Variants in SLC12A9 observed in about 807,000 individuals in gnomAD.
The protein encoded by SLC12A9 is CCC-interacting protein 1.
A neutral mutation model predicts 66.0 loss-of-function variants in SLC12A9; 55 were observed. That is an observed-to-expected ratio of 0.83 (90% CI 0.67 to 1.04). The LOEUF is 1.04. Ranked by LOEUF, SLC12A9 falls within the 50% of genes least tolerant of loss-of-function variation. The pLI is 0.00. For missense variants in SLC12A9, 1,061 were observed against 1,241.9 expected, an observed-to-expected ratio of 0.85 and a Z score of 2.19; for synonymous variants, 577 against 569.0, an observed-to-expected ratio of 1.01 and a Z score of -0.20.
At chr7:100,833,740 C>G (rs1813588180) in intron 1 of SLC12A9, among the ~76,000 whole-genome samples, 1 of 151,758 alleles carries the variant, frequency 6.6e-6, no homozygotes, top group Non-Finnish European at 1.5e-5. Context: ...CGAGACAATC[C>G]TGGCTAACAT....
intron 1 of SLC12A9, among the ~76,000 whole-genome samples, chr7:100,843,062 C>T (rs1001489139): frequency 5.2e-5 from 8 of 152,384 alleles, no homozygotes; most frequent in South Asian, 2.1e-4. Flanking sequence ...GCTTATTAAT[C>T]AGTCAGCCCT....
chr7:100,842,853 T>G (rs1813815103), intron 1 of SLC12A9, among the ~76,000 whole-genome samples: 2 of 152,212 alleles, frequency 1.3e-5, no homozygotes, highest in African/African-American at 4.8e-5. Flanking sequence ...TTTTCCAGGA[T>G]TCTACAGCCT....
intron 1 of SLC12A9, among the ~76,000 whole-genome samples, chr7:100,829,419 C>T (rs1035928206): frequency 3.9e-5 from 6 of 152,192 alleles, no homozygotes; most frequent in Admixed American, 2.0e-4. Flanking sequence ...CCTGTGATAA[C>T]CTCTTGTCCC....
At chr7:100,841,868 C>T (rs982605268) in intron 1 of SLC12A9, among the ~76,000 whole-genome samples, 3 of 152,082 alleles carry the variant, frequency 2.0e-5, no homozygotes, top group African/African-American at 7.2e-5. Context: ...ACTATAAAGT[C>T]CACGGCCAAG....
At chr7:100,855,958 G>T in intron 4 of SLC12A9, 121 bp downstream of exon 4, 1 of 1,449,778 alleles carries the variant, frequency 6.9e-7, no homozygotes, top group Non-Finnish European at 9.1e-7. Flanking sequence ...TGGCTTTCTG[G>T]AGCTTCTGCT....
rs1813907060 is a variant in SLC12A9 at position 100,846,142 on chromosome 7, CT to C, written n.229-13742del. 3.9e-5 allele frequency among the ~76,000 whole-genome samples: 6 copies of C among 152,288 alleles called. No homozygotes were observed. The South Asian group carries it at 1.2e-3, about 32-fold the overall frequency. On this transcript the variant is annotated intron_variant and non_coding_transcript_variant, in intron 1 of 1. Coordinates refer to the SLC12A9 transcript ENST00000461016. ...AGGCAAGTGTGGCATGGATTTGATC[CT>C]GAGGCCATGTTTAGAAAATGGTTCC...
chr7:100,866,385 G>A lies in SLC12A9; in HGVS notation c.2525G>A (p.Arg842Gln), dbSNP rs200447940. ...ALARSANALV[R>Q]AQQGRGTGGG... Reference sequence around the variant, plus strand: ...GCACGCAGCGCCAACGCCCTGGTTCGGGCCCAGCAGGGGCGCGGCACAGGA... The same window carrying A: ...GCACGCAGCGCCAACGCCCTGGTTCAGGCCCAGCAGGGGCGCGGCACAGGA... Residue 842 changes from arginine to glutamine, a missense_variant, in exon 14 of 14, where the codon CGG becomes CAG. Transcript: ENST00000354161. The surrounding 1 kb of genome is among the most constrained non-coding windows in gnomAD (Gnocchi z 7.3). 261 of 1,528,334 alleles carry A rather than the reference G, an allele frequency of 1.7e-4. No homozygotes were observed. In the African/African-American group the frequency reaches 2.3e-3, roughly 14 times the overall value. 94.7% of individuals were successfully genotyped at this position (1,528,334 alleles called of 1,614,324 possible).
chr7:100,848,930 AAG>A (rs1251420217), upstream of SLC12A9, among the ~76,000 whole-genome samples: 1 of 151,430 alleles, frequency 6.6e-6, no homozygotes, highest in African/African-American at 2.4e-5. Flanking sequence ...GAAAGAAAGA[AAG>A]AAAGAGCTAG....
chr7:100,850,969 C>T (rs1169266766), upstream of SLC12A9, among the ~76,000 whole-genome samples: 1 of 152,004 alleles, frequency 6.6e-6, no homozygotes, highest in Non-Finnish European at 1.5e-5. Flanking sequence ...CCACCCACCT[C>T]GGCCTCCCAA....
At chr7:100,863,675 A>T (rs563853599) in intron 13 of SLC12A9, among the ~76,000 whole-genome samples, 14 of 152,336 alleles carry the variant, frequency 9.2e-5, no homozygotes, top group Non-Finnish European at 1.5e-4. Context: ...ACGTCTGTGG[A>T]TGGAGCGGTA....
chr7:100,860,432 A>G, intron 9 of SLC12A9, 200 bp downstream of exon 9: 1 of 591,432 alleles, frequency 1.7e-6, no homozygotes, highest in East Asian at 2.9e-5. Flanking sequence ...TGCAGAGTTC[A>G]TTGGCACCCT....
upstream of SLC12A9, chr7:100,852,469 G>A (rs1814123673): frequency 6.6e-6 from 1 of 152,250 alleles, no homozygotes; most frequent in South Asian, 2.1e-4. Context: ...CCGCACCTCG[G>A]AGCTCGGACT....
intron 1 of SLC12A9, among the ~76,000 whole-genome samples, chr7:100,831,712 A>G (rs1259629851): frequency 6.6e-6 from 1 of 152,116 alleles, no homozygotes. Flanking sequence ...TTCCTATTGT[A>G]AGAAATAACA....
chr7:100,828,551 CAAAAAAAAAAAAA>C (rs34743877), intron 1 of SLC12A9, among the ~76,000 whole-genome samples: 1 of 40,638 alleles, frequency 2.5e-5, no homozygotes, highest in Admixed American at 3.2e-4. Context: ...GACGAAATCT[CAAAAAAAAAAAAA>C]AAAAAAAAAA....
At chr7:100,863,808 C>CTA (rs1814909451) in intron 13 of SLC12A9, among the ~76,000 whole-genome samples, 1 of 152,214 alleles carries the variant, frequency 6.6e-6, no homozygotes, top group Non-Finnish European at 1.5e-5. Flanking sequence ...CAGAGTCTGG[C>CTA]TAAAGTTCAA....
At chr7:100,830,171 G>C (rs1447993065) in intron 1 of SLC12A9, among the ~76,000 whole-genome samples, 1 of 152,118 alleles carries the variant, frequency 6.6e-6, no homozygotes, top group Non-Finnish European at 1.5e-5. Flanking sequence ...GGCCAACATA[G>C]TGAAACCCCT....
At chr7:100,840,166 C>T (rs1285809223) in intron 1 of SLC12A9, among the ~76,000 whole-genome samples, 1 of 152,054 alleles carries the variant, frequency 6.6e-6, no homozygotes, top group Non-Finnish European at 1.5e-5. Context: ...TGTGTGTGCC[C>T]TTTTTACCTG....
chr7:100,827,093 G>A, intron 1 of SLC12A9: 1 of 1,525,538 alleles, frequency 6.6e-7, no homozygotes, highest in African/African-American at 1.4e-5. Context: ...CCCCAGGTCT[G>A]ACTCTCCCTG....
chr7:100,865,637 T>C, intron 13 of SLC12A9, 82 bp from the exon 14 acceptor site: 1 of 1,555,462 alleles, frequency 6.4e-7, no homozygotes, highest in Non-Finnish European at 8.7e-7. Flanking sequence ...CGCACCTTGC[T>C]GTCAGTGTGT....
Sources: allele counts gnomAD v4.1 joint callset (sites outside exome capture counted in the v4.1 genomes callset), GRCh38; gene constraint gnomAD v4.1.1; non-coding constraint Gnocchi (gnomAD v3.1); transcripts MANE v1.5; gene names NCBI Gene and HGNC (gene_info 2026-07-23, HGNC 2026-07-21).